The following FHIT variants were observed in gnomAD, a reference collection of about 807,000 sequenced individuals.
The protein encoded by FHIT is bis(5'-adenosyl)-triphosphatase.
A neutral mutation model predicts 17.9 loss-of-function variants in FHIT; 19 were observed. The ratio of observed to expected loss-of-function variants is 1.06; its 90% CI spans 0.74 to 1.56. The LOEUF is 1.56. FHIT is among the 40% of genes most tolerant of loss of function. FHIT has a pLI of 0.00. For missense variants in FHIT, 248 were observed against 189.2 expected, an observed-to-expected ratio of 1.31 and a Z score of -1.82; for synonymous variants, 81 against 69.7, an observed-to-expected ratio of 1.16 and a Z score of -0.81.
At chr3:60,922,750 C>T (rs1310781861) in intron 3 of FHIT, among the ~76,000 whole-genome samples, 1 of 152,200 alleles carries the variant, frequency 6.6e-6, no homozygotes, top group Non-Finnish European at 1.5e-5. Flanking sequence ...CTCCATCTTA[C>T]CTTCTTTAAA....
At chr3:61,007,037 G>A (rs1344291259) in intron 3 of FHIT, among the ~76,000 whole-genome samples, 1 of 152,090 alleles carries the variant, frequency 6.6e-6, no homozygotes, top group Non-Finnish European at 1.5e-5. Context: ...TCATCTTGCT[G>A]TCTTATTTTT....
chr3:60,685,181 T>G (rs2040834725), intron 4 of FHIT, among the ~76,000 whole-genome samples: 1 of 152,204 alleles, frequency 6.6e-6, no homozygotes, highest in Admixed American at 6.5e-5. Flanking sequence ...ATTCAGTACA[T>G]AGGTGTTCAA....
chr3:61,220,703 G>A (rs955994593), intron 1 of FHIT, among the ~76,000 whole-genome samples: 7 of 152,244 alleles, frequency 4.6e-5, no homozygotes, highest in East Asian at 3.9e-4. Flanking sequence ...CATATACTCC[G>A]TAAAATTTCT....
Position 61,234,743 on chromosome 3 carries a change from T to C in FHIT, c.-213+16558A>G, listed in dbSNP as rs1480740577. Among the ~76,000 whole-genome samples, 5 of 152,232 alleles carry C rather than the reference T, an allele frequency of 3.3e-5. No homozygotes were observed. The South Asian group carries it at 6.2e-4, about 19-fold the overall frequency. ...AATAGCACCTTCTTACAGAATATTC[T>C]GGGCCCTCCGACCAAGATGTTCAAT... On this transcript the variant is annotated intron_variant, in intron 1 of 9. Coordinates refer to ENST00000492590, the MANE Select transcript of FHIT (RefSeq NM_002012.4).
At chr3:59,797,187 C>G (rs1260331101) in intron 8 of FHIT, among the ~76,000 whole-genome samples, 1 of 146,634 alleles carries the variant, frequency 6.8e-6, no homozygotes, top group Non-Finnish European at 1.5e-5. Context: ...TTTGATATTA[C>G]AATTTTTTTT....
chr3:60,101,796 C>A (rs1349765673), intron 5 of FHIT, among the ~76,000 whole-genome samples: 2 of 152,204 alleles, frequency 1.3e-5, no homozygotes, highest in African/African-American at 4.8e-5. Context: ...CCCTGCCATC[C>A]TTTCCAGCCT....
chr3:60,899,857 T>C (rs1706017019), intron 3 of FHIT, among the ~76,000 whole-genome samples: 2 of 152,070 alleles, frequency 1.3e-5, no homozygotes, highest in Admixed American at 1.3e-4. Flanking sequence ...AACAGGATGG[T>C]AGGGGCTGAG....
chr3:59,957,888 G>A (rs1240188240), intron 7 of FHIT, among the ~76,000 whole-genome samples: 1 of 152,152 alleles, frequency 6.6e-6, no homozygotes, highest in Non-Finnish European at 1.5e-5. Context: ...ATATTTCTCA[G>A]ACATGACAGC....
intron 4 of FHIT, among the ~76,000 whole-genome samples, chr3:60,614,543 G>A (rs1553674916): frequency 6.6e-6 from 1 of 152,120 alleles, no homozygotes; most frequent in Admixed American, 6.5e-5. Flanking sequence ...GGCAGAGGTT[G>A]CAGTGAGACG....
intron 5 of FHIT, among the ~76,000 whole-genome samples, chr3:60,464,700 T>C (rs1392163605): frequency 6.6e-6 from 1 of 152,198 alleles, no homozygotes; most frequent in Non-Finnish European, 1.5e-5. Flanking sequence ...TATCATTCTT[T>C]TTTATAGCTG....
At chr3:60,926,292 C>A (rs1176873418) in intron 3 of FHIT, among the ~76,000 whole-genome samples, 5 of 152,162 alleles carry the variant, frequency 3.3e-5, no homozygotes, top group Non-Finnish European at 7.3e-5. Context: ...CCAAAATTGA[C>A]TACATAGTTG....
chr3:60,541,546 C>A (rs1260623266), intron 4 of FHIT, among the ~76,000 whole-genome samples: 2 of 152,160 alleles, frequency 1.3e-5, no homozygotes, highest in Non-Finnish European at 2.9e-5. Flanking sequence ...CACCCATAGT[C>A]CTTTGACATA....
intron 8 of FHIT, among the ~76,000 whole-genome samples, chr3:59,808,414 C>A (rs147288599): frequency 2.6e-4 from 39 of 152,258 alleles, no homozygotes; most frequent in African/African-American, 8.2e-4. Context: ...CCCTCTCTGA[C>A]AAGCCCCTGG....
chr3:59,884,855 T>A (rs1218198506), intron 8 of FHIT, among the ~76,000 whole-genome samples: 1 of 152,188 alleles, frequency 6.6e-6, no homozygotes, highest in African/African-American at 2.4e-5. Context: ...CTTGGGACAA[T>A]ATGCACTCTG....
At chr3:59,972,547 C>T (rs79030876) in intron 7 of FHIT, among the ~76,000 whole-genome samples, 7,126 of 152,178 alleles carry the variant, frequency 0.047, 221 homozygotes, top group Middle Eastern at 0.088. Context: ...TCCAGTGTCA[C>T]CTGTCTCACA....
chr3:60,246,793 A>G (rs1340828444), intron 5 of FHIT, among the ~76,000 whole-genome samples: 1 of 152,110 alleles, frequency 6.6e-6, no homozygotes, highest in African/African-American at 2.4e-5. Flanking sequence ...ACAGTCTACA[A>G]TCCTCTCTGC....
At chr3:60,460,632 A>G (rs1317367916) in intron 5 of FHIT, among the ~76,000 whole-genome samples, 1 of 152,158 alleles carries the variant, frequency 6.6e-6, no homozygotes, top group Non-Finnish European at 1.5e-5. Context: ...AGACAGCTTT[A>G]ATTTTTTACA....
chr3:59,979,164 G>A (rs1708541951), intron 7 of FHIT, among the ~76,000 whole-genome samples: 1 of 152,102 alleles, frequency 6.6e-6, no homozygotes, highest in African/African-American at 2.4e-5. Context: ...AGAGCACAGA[G>A]CCAGGGGCCA....
At chr3:59,925,369 T>C (rs969062653) in intron 7 of FHIT, among the ~76,000 whole-genome samples, 13 of 152,152 alleles carry the variant, frequency 8.5e-5, no homozygotes, top group Admixed American at 7.9e-4. Flanking sequence ...GCCTCCCAAG[T>C]AGCTGAGATT....
Sources: gnomAD v4.1 joint callset for allele counts (sites outside exome capture counted in the v4.1 genomes callset) on GRCh38, gnomAD v4.1.1 for gene constraint, MANE v1.5 for transcripts, NCBI Gene and HGNC (gene_info 2026-07-23, HGNC 2026-07-21) for gene names.